The following LRRIQ1 variants were observed in gnomAD, a reference collection of about 807,000 sequenced individuals.
LRRIQ1 encodes leucine rich repeats and IQ motif containing 1.
In LRRIQ1, 210 loss-of-function variants were observed where a neutral mutation model predicts 211.9. The ratio of observed to expected loss-of-function variants is 0.99; its 90% CI spans 0.89 to 1.11. The LOEUF (loss-of-function observed/expected upper bound fraction) is 1.11, where lower values mean the gene tolerates loss of function less well. Ranked by LOEUF, LRRIQ1 falls within the 50% of genes most tolerant of loss-of-function variation. The probability of loss-of-function intolerance (pLI) is 0.00; values close to 1 mark genes in which losing one functional copy is unlikely to be tolerated. For missense variants in LRRIQ1, 2,136 were observed against 1,939.5 expected (o/e 1.10, Z -1.90); for synonymous variants, 699 against 650.1 (o/e 1.08, Z -1.14).
At chr12:85,052,385 T>G (rs1251376687) in intron 7 of LRRIQ1, 134 bp downstream of exon 7, 12 of 454,488 alleles carry the variant, frequency 2.6e-5, no homozygotes, top group South Asian at 2.0e-4. Flanking sequence ...CATTAAAAAT[T>G]TATTAATCCT....
the LRRIQ1 span, among the ~76,000 whole-genome samples, chr12:85,269,955 C>T: frequency 2.6e-5 from 4 of 152,024 alleles, no homozygotes; most frequent in East Asian, 1.9e-4. Context: ...TAAAGAAAGC[C>T]GTCTTCTTAC....
At chr12:85,217,818 T>C (rs1389749601) in intron 24 of LRRIQ1, among the ~76,000 whole-genome samples, 2 of 150,986 alleles carry the variant, frequency 1.3e-5, no homozygotes, top group Non-Finnish European at 3.0e-5. Flanking sequence ...CACATATATA[T>C]GTGTGTGGCA....
At chr12:85,247,404 TC>T (rs937722806), downstream of LRRIQ1, among the ~76,000 whole-genome samples, 4 of 151,618 alleles carry the variant, frequency 2.6e-5, no homozygotes, top group Non-Finnish European at 5.9e-5. Context: ...GCTGTAAAAC[TC>T]TTTTTGAGCC....
chr12:85,199,714 G>A (rs1157169343), intron 24 of LRRIQ1, among the ~76,000 whole-genome samples: 2 of 152,096 alleles, frequency 1.3e-5, no homozygotes, highest in Non-Finnish European at 2.9e-5. Flanking sequence ...AAGAGTGCAA[G>A]CAGGGGAAAT....
chr12:85,045,527 A>C (rs1057230883), intron 4 of LRRIQ1, among the ~76,000 whole-genome samples: 14 of 151,946 alleles, frequency 9.2e-5, no homozygotes, highest in Non-Finnish European at 1.6e-4. Context: ...TGGAATAAAT[A>C]GCCTGTATCT....
At chr12:85,246,385 C>T (rs527413375), downstream of LRRIQ1, among the ~76,000 whole-genome samples, 52 of 151,136 alleles carry the variant, frequency 3.4e-4, 1 homozygote, top group South Asian at 2.5e-3. Flanking sequence ...GATAATTTTA[C>T]GCATTGCATA....
intron 24 of LRRIQ1, among the ~76,000 whole-genome samples, chr12:85,204,796 T>G (rs1939358953): frequency 6.6e-6 from 1 of 152,204 alleles, no homozygotes; most frequent in Non-Finnish European, 1.5e-5. Context: ...AGAAGGGACT[T>G]GCCTTATCTC....
At chr12:85,168,382 A>G (rs1158212037) in intron 24 of LRRIQ1, among the ~76,000 whole-genome samples, 1 of 152,038 alleles carries the variant, frequency 6.6e-6, no homozygotes, top group Non-Finnish European at 1.5e-5. Context: ...TGGGCCAATC[A>G]CCCCAGCCAA....
At chr12:85,041,104 C>A (rs1878830148) in intron 3 of LRRIQ1, among the ~76,000 whole-genome samples, 1 of 151,426 alleles carries the variant, frequency 6.6e-6, no homozygotes, top group South Asian at 2.1e-4. Context: ...TCAACAAGAC[C>A]TTTTTTGTTG....
intron 24 of LRRIQ1, among the ~76,000 whole-genome samples, chr12:85,217,231 T>C (rs1365928670): frequency 6.6e-6 from 1 of 151,362 alleles, no homozygotes; most frequent in Non-Finnish European, 1.5e-5. Context: ...ATATGTGCTA[T>C]AAGCATTTCT....
At chr12:85,070,822 A>T (rs1883002022) in intron 10 of LRRIQ1, among the ~76,000 whole-genome samples, 1 of 151,912 alleles carries the variant, frequency 6.6e-6, no homozygotes, top group African/African-American at 2.4e-5. Flanking sequence ...ACCACGTGCC[A>T]TATCTTATCC....
intron 24 of LRRIQ1, among the ~76,000 whole-genome samples, chr12:85,164,758 G>A (rs781171840): frequency 1.3e-5 from 2 of 152,118 alleles, no homozygotes; most frequent in Non-Finnish European, 2.9e-5. Flanking sequence ...ACAAGTGGCT[G>A]AAGGGAAATG....
downstream of LRRIQ1, among the ~76,000 whole-genome samples, chr12:85,268,071 C>A (rs7484730): frequency 0.23 from 35,409 of 151,730 alleles, 4,606 homozygotes; most frequent in Non-Finnish European, 0.29. Context: ...CAAAAATACT[C>A]TAAGCAGATT....
chr12:85,104,080 A>G lies in LRRIQ1; in HGVS notation c.3283+3A>G. The G allele has an allele frequency of 6.7e-7, 1 of 1,487,328 alleles. No homozygotes were observed. Among genetic ancestry groups the G allele is most frequent in the Non-Finnish European group, 9.1e-7 (1 of 1,094,974 alleles). The allele number at this position is 1,487,328 out of a possible 1,614,324, so 92.1% of individuals were successfully genotyped here. A position where few individuals can be genotyped will look rare whatever the true frequency, so the allele number is the denominator to read the frequency against. ...TGTCAGCCACAATTGTCTTTCTGGT[A>G]AGTTTAGCATAATATATATATTTTA... On this transcript the variant is annotated splice_donor_region_variant and intron_variant, in intron 14 of 26. Transcript: ENST00000393217.
intron 15 of LRRIQ1, among the ~76,000 whole-genome samples, chr12:85,115,160 C>T (rs1219994688): frequency 2.0e-5 from 3 of 152,072 alleles, no homozygotes; most frequent in Admixed American, 2.0e-4. Flanking sequence ...TTGGTTCAGC[C>T]CTTGATTAGG....
intron 7 of LRRIQ1, among the ~76,000 whole-genome samples, chr12:85,053,236 CAG>C (rs1266629097): frequency 6.6e-6 from 1 of 151,908 alleles, no homozygotes; most frequent in East Asian, 1.9e-4. Context: ...TGAGAGGAGA[CAG>C]AGAATGGGGC....
chr12:85,267,083 AT>A (rs1350458258), downstream of LRRIQ1, among the ~76,000 whole-genome samples: 2 of 152,212 alleles, frequency 1.3e-5, no homozygotes, highest in East Asian at 3.9e-4. Flanking sequence ...ATGTAAAACT[AT>A]TTTTTAAAAT....
In LRRIQ1 at chr12:85,056,674, C is replaced by G. The variant is rs550886780; in HGVS notation, c.1881C>G (p.Asn627Lys). 2 of 1,603,412 alleles carry G rather than the reference C, an allele frequency of 1.2e-6. No homozygotes were observed. Among genetic ancestry groups the G allele is most frequent in the South Asian group, 1.1e-5 (1 of 88,672 alleles). ...AAAATTCCAAAGATGTAAGAGAAAA[C>G]GTAATATTACAAGAAAAAGAAATTT... ...TSENSKDVRE[N>K]VILQEKEIYS... is the part of the protein sequence containing the mutation. The change falls in exon 8 of 27, where the codon AAC (asparagine) becomes AAG (lysine). Residue 627 changes from asparagine (N) to lysine (K), a missense_variant. Asn to Lys is a moderately conservative substitution (Grantham distance 94). Transcript: ENST00000393217.
chr12:85,109,851 G>A (rs1169076051), intron 15 of LRRIQ1, among the ~76,000 whole-genome samples: 1 of 152,048 alleles, frequency 6.6e-6, no homozygotes, highest in Non-Finnish European at 1.5e-5. Context: ...TTTTAGATAT[G>A]TGGTCTTTCT....
Sources: gnomAD v4.1 joint callset for allele counts (sites outside exome capture counted in the v4.1 genomes callset) on GRCh38, gnomAD v4.1.1 for gene constraint, MANE v1.5 for transcripts, NCBI Gene and HGNC (gene_info 2026-07-23, HGNC 2026-07-21) for gene names.